Variants in DAB1 observed in about 807,000 individuals in gnomAD.
The protein encoded by DAB1 is DAB adaptor protein 1, also known as disabled homolog 1.
A neutral mutation model predicts 64.6 loss-of-function variants in DAB1; 15 were observed. That is an observed-to-expected ratio of 0.23 (90% CI 0.16 to 0.36). The LOEUF (loss-of-function observed/expected upper bound fraction) is 0.36. Ranked by LOEUF, DAB1 falls within the 10% of genes least tolerant of loss-of-function variation. DAB1 has a pLI of 1.00. For synonymous variants in DAB1, 235 were observed against 251.9 expected, an observed-to-expected ratio of 0.93 and a Z score of 0.64; for missense variants, 596 against 706.7, an observed-to-expected ratio of 0.84 and a Z score of 1.78.
At chr1:58,460,039 C>G (rs1206447673) in intron 3 of DAB1, among the ~76,000 whole-genome samples, 1 of 152,188 alleles carries the variant, frequency 6.6e-6, no homozygotes, top group Non-Finnish European at 1.5e-5. Flanking sequence ...AGGATTTATA[C>G]TCCACATCTT....
intron 7 of DAB1, among the ~76,000 whole-genome samples, chr1:57,471,134 C>T (rs1381785956): frequency 6.6e-6 from 1 of 152,198 alleles, no homozygotes; most frequent in Non-Finnish European, 1.5e-5. Flanking sequence ...CTTTTTCATA[C>T]TTCTTTTTCC....
intron 6 of DAB1, among the ~76,000 whole-genome samples, chr1:57,768,175 TAAAAAA>T (rs11413691): frequency 2.1e-5 from 2 of 96,800 alleles, no homozygotes; most frequent in Non-Finnish European, 1.9e-5. Flanking sequence ...AGAATCTGTC[TAAAAAA>T]AAAAAAAAAA....
intron 1 of DAB1, among the ~76,000 whole-genome samples, chr1:57,402,859 T>C (rs571042493): frequency 6.6e-6 from 1 of 152,010 alleles, no homozygotes; most frequent in African/African-American, 2.4e-5. Flanking sequence ...AAAAGAATGG[T>C]CCCATTAAAT....
chr1:57,533,421 CA>C (rs1253606358), intron 7 of DAB1, among the ~76,000 whole-genome samples: 1 of 149,894 alleles, frequency 6.7e-6, no homozygotes, highest in African/African-American at 2.5e-5. Flanking sequence ...AATGCTTTCC[CA>C]AAAAATTTAG....
At chr1:58,317,956 TG>T (rs1397772124) in intron 4 of DAB1, among the ~76,000 whole-genome samples, 1 of 152,248 alleles carries the variant, frequency 6.6e-6, no homozygotes, top group Non-Finnish European at 1.5e-5. Flanking sequence ...TTGTGTCTCT[TG>T]ATCTTTAATG....
chr1:57,468,122 C>T (rs752311362), intron 7 of DAB1, among the ~76,000 whole-genome samples: 5 of 152,128 alleles, frequency 3.3e-5, no homozygotes, highest in African/African-American at 9.7e-5. Flanking sequence ...AAAGACTGTG[C>T]GTTTCTCAGA....
chr1:57,397,978 G>C (rs891862418), intron 1 of DAB1, among the ~76,000 whole-genome samples: 3 of 152,150 alleles, frequency 2.0e-5, no homozygotes, highest in Admixed American at 6.5e-5. Context: ...TGGTTCTCTT[G>C]TCTCTGTGTT....
intron 4 of DAB1, among the ~76,000 whole-genome samples, chr1:57,088,023 C>T (rs971484152): frequency 3.3e-5 from 5 of 152,192 alleles, no homozygotes; most frequent in African/African-American, 7.2e-5. Flanking sequence ...TAGGCCTCAA[C>T]CTTGGCCTAG....
chr1:57,854,650 T>G (rs1653675548), intron 1 of DAB1, among the ~76,000 whole-genome samples: 1 of 152,218 alleles, frequency 6.6e-6, no homozygotes, highest in South Asian at 2.1e-4. Context: ...AATAGTCAGA[T>G]GCTTGCAAGC....
At chr1:58,451,720 T>C (rs1171364449) in intron 3 of DAB1, among the ~76,000 whole-genome samples, 1 of 151,834 alleles carries the variant, frequency 6.6e-6, no homozygotes, top group African/African-American at 2.4e-5. Flanking sequence ...TTAGTAAACA[T>C]CAGGATAGAA....
chr1:58,115,979 A>G (rs1652303125), intron 5 of DAB1, among the ~76,000 whole-genome samples: 1 of 100,100 alleles, frequency 1.0e-5, no homozygotes, highest in Non-Finnish European at 1.7e-5. Context: ...CCTAAAACTT[A>G]GAGTATAAAA....
chr1:58,049,079 G>A lies in DAB1; in HGVS notation n.387+101432C>T, dbSNP rs1302249415. The A allele has an allele frequency of 1.3e-5, 10 of 790,274 alleles. 1 individual carries two copies. The highest frequency in any genetic ancestry group is 2.7e-5 in the South Asian group (2 of 75,044). The allele number at this position is 790,274 out of a possible 1,614,324, so 49.0% of individuals were successfully genotyped here. ...CCACCTTGTGTGGCCTTGCATTTGT[G>A]GCTGCATCCACCTCCTCCACAGTGG... On this transcript the variant is annotated intron_variant and non_coding_transcript_variant, in intron 5 of 20. Coordinates refer to the DAB1 transcript ENST00000485760.
intron 7 of DAB1, among the ~76,000 whole-genome samples, chr1:57,625,017 G>C (rs545698132): frequency 1.3e-5 from 2 of 152,030 alleles, no homozygotes; most frequent in African/African-American, 4.8e-5. Flanking sequence ...AATAATTATA[G>C]GACGAAAAGT....
rs138269751 is a variant in DAB1, at chr1:57,508,987, A to T, written n.625+140605T>A. ...AAAATACATTTATATATGCATATACATATATAAAATACATTTATATATGCC... is the reference window on the plus strand; with the variant it reads ...AAAATACATTTATATATGCATATACTTATATAAAATACATTTATATATGCC... On this transcript the variant is annotated intron_variant and non_coding_transcript_variant, in intron 7 of 20. Transcript: ENST00000485760. 5.3e-3 allele frequency among the ~76,000 whole-genome samples: 811 copies of T among 151,716 alleles called. 3 individuals are homozygous for T. Among genetic ancestry groups the T allele is most frequent in the Non-Finnish European group, 8.4e-3 (573 of 67,910 alleles).
chr1:57,163,828 T>C (rs1660983863), intron 2 of DAB1, among the ~76,000 whole-genome samples: 1 of 152,154 alleles, frequency 6.6e-6, no homozygotes, highest in South Asian at 2.1e-4. Context: ...CTTGAGCACC[T>C]TAGTGGAAGG....
intron 1 of DAB1, among the ~76,000 whole-genome samples, chr1:57,363,825 G>T (rs984787146): frequency 1.3e-5 from 2 of 152,090 alleles, no homozygotes; most frequent in Non-Finnish European, 2.9e-5. Flanking sequence ...TTTGTTTGTG[G>T]CTCAGCTGTT....
intron 7 of DAB1, among the ~76,000 whole-genome samples, chr1:57,435,356 G>T (rs1237186460): frequency 6.6e-6 from 1 of 151,870 alleles, no homozygotes; most frequent in East Asian, 1.9e-4. Context: ...GCCAAAATTT[G>T]ACTTCTTAAA....
At chr1:57,169,559 CCT>C (rs2100918001) in intron 2 of DAB1, among the ~76,000 whole-genome samples, 1 of 152,296 alleles carries the variant, frequency 6.6e-6, no homozygotes, top group South Asian at 2.1e-4. Flanking sequence ...TTTCATCAGG[CCT>C]CTGAAACTTC....
intron 4 of DAB1, among the ~76,000 whole-genome samples, chr1:57,121,348 A>G (rs562101730): frequency 1.3e-5 from 2 of 151,984 alleles, no homozygotes; most frequent in South Asian, 2.1e-4. Context: ...TCAGGGAGAG[A>G]GTTGGAAATA....
Sources: gnomAD v4.1 joint callset for allele counts (sites outside exome capture counted in the v4.1 genomes callset) on GRCh38, gnomAD v4.1.1 for gene constraint, MANE v1.5 for transcripts, NCBI Gene and HGNC (gene_info 2026-07-23, HGNC 2026-07-21) for gene names.